BACH2: variants seen among roughly 807,000 people sequenced by gnomAD.
The protein encoded by BACH2 is transcription regulator protein BACH2.
In BACH2, 5 loss-of-function variants were observed where a neutral mutation model predicts 61.8. The observed-to-expected ratio is 0.08, with a 90% CI of 0.04 to 0.17. The LOEUF (loss-of-function observed/expected upper bound fraction) is 0.17. Among genes scored for constraint, BACH2 ranks in the 10% least tolerant of loss-of-function variants. The pLI is 1.00. For synonymous variants in BACH2, 446 were observed against 440.1 expected, an observed-to-expected ratio of 1.01 and a Z score of -0.17; for missense variants, 824 against 1,091.1, an observed-to-expected ratio of 0.76 and a Z score of 3.45.
intron 4 of BACH2, among the ~76,000 whole-genome samples, chr6:90,193,550 C>A (rs762572391): frequency 3.3e-5 from 5 of 152,098 alleles, no homozygotes; most frequent in Non-Finnish European, 7.4e-5. Context: ...TTTAAGCCAC[C>A]CAGTCTGTGG....
At chr6:90,263,629 C>G (rs563895715) in intron 2 of BACH2, among the ~76,000 whole-genome samples, 3 of 152,096 alleles carry the variant, frequency 2.0e-5, no homozygotes, top group African/African-American at 7.2e-5. Context: ...TTTTTTCTTG[C>G]GCTGACTCCT....
At chr6:90,163,651 A>G (rs906421587) in intron 4 of BACH2, among the ~76,000 whole-genome samples, 1 of 152,210 alleles carries the variant, frequency 6.6e-6, no homozygotes, top group East Asian at 1.9e-4. Flanking sequence ...GATACTATAC[A>G]TTCCCATCCT....
chr6:90,109,076 C>T (rs1783052791), intron 4 of BACH2, among the ~76,000 whole-genome samples: 1 of 152,176 alleles, frequency 6.6e-6, no homozygotes, highest in African/African-American at 2.4e-5. Flanking sequence ...CTTTCTCTGC[C>T]CCTGTTCTGA....
intron 4 of BACH2, among the ~76,000 whole-genome samples, chr6:90,118,573 C>T (rs1455745400): frequency 6.6e-6 from 1 of 152,160 alleles, no homozygotes; most frequent in Non-Finnish European, 1.5e-5. Flanking sequence ...TATCAATGAT[C>T]AGTACTCATG....
At chr6:90,189,412 TC>T (rs1170946399) in intron 4 of BACH2, among the ~76,000 whole-genome samples, 1 of 151,850 alleles carries the variant, frequency 6.6e-6, no homozygotes, top group Non-Finnish European at 1.5e-5. Flanking sequence ...ATCGAGACCA[TC>T]CTGGCTAACA....
rs557863078 is a variant in BACH2, at chr6:90,104,825, G to A, written c.-161-15716C>T. On this transcript the variant is annotated intron_variant, in intron 4 of 8. Transcript: ENST00000257749. ...GACCCCTGTAGGATGGGGGACTGGG[G>A]GAGTGGGAGGAGAAGGAGCAGGAAA... Among the ~76,000 whole-genome samples the A allele has an allele frequency of 4.6e-5, 7 of 152,298 alleles. No individual in the cohort carries two copies. In the East Asian group the frequency reaches 1.2e-3, roughly 25 times the overall value.
At chr6:90,019,493 G>A (rs1466962234) in intron 5 of BACH2, among the ~76,000 whole-genome samples, 1 of 152,186 alleles carries the variant, frequency 6.6e-6, no homozygotes, top group Non-Finnish European at 1.5e-5. Flanking sequence ...TTCCATGTTT[G>A]TAAAATGAAA....
intron 4 of BACH2, among the ~76,000 whole-genome samples, chr6:90,182,799 C>T (rs758644702): frequency 3.3e-5 from 5 of 152,134 alleles, no homozygotes; most frequent in Middle Eastern, 3.2e-3. Context: ...CCTCACACAG[C>T]GGATCTTCAC....
intron 6 of BACH2, among the ~76,000 whole-genome samples, chr6:89,972,243 G>C (rs1775403698): frequency 6.6e-6 from 1 of 152,088 alleles, no homozygotes; most frequent in Non-Finnish European, 1.5e-5. Flanking sequence ...GAGTATGAGG[G>C]AGACTCCTTT....
intron 4 of BACH2, among the ~76,000 whole-genome samples, chr6:90,112,636 C>G (rs1783223627): frequency 6.6e-6 from 1 of 152,154 alleles, no homozygotes; most frequent in Non-Finnish European, 1.5e-5. Flanking sequence ...CTGCTATCAG[C>G]TAATACAAAA....
intron 8 of BACH2, among the ~76,000 whole-genome samples, chr6:89,934,136 T>C (rs1772862327): frequency 6.6e-6 from 1 of 152,138 alleles, no homozygotes; most frequent in Non-Finnish European, 1.5e-5. Context: ...GGAGGGACCC[T>C]CCCTAGGACA....
intron 2 of BACH2, among the ~76,000 whole-genome samples, chr6:90,264,029 T>C (rs1195221705): frequency 6.6e-6 from 1 of 152,190 alleles, no homozygotes; most frequent in African/African-American, 2.4e-5. Flanking sequence ...ATAAAGTAAA[T>C]ATTTGAAGAA....
At chr6:90,070,021 G>C (rs944281002) in intron 5 of BACH2, among the ~76,000 whole-genome samples, 2 of 152,140 alleles carry the variant, frequency 1.3e-5, no homozygotes, top group African/African-American at 4.8e-5. Flanking sequence ...CTGACAACAC[G>C]ATCATTGTGG....
chr6:89,951,060 T>C lies in BACH2; in HGVS notation c.1046A>G (p.Lys349Arg). ...SCLRSLFSIT[K>R]SVELSGLPST... ...GGGCAGGCCAGACAGCTCCACACTT[T>C]TCGTTATGCTGAACAGAGACCTTAA... Residue 349 changes from lysine (K) to arginine (R), a missense_variant, in exon 7 of 9, where the codon AAA becomes AGA. Transcript: ENST00000257749. The surrounding 1 kb of genome is among the most constrained non-coding windows in gnomAD (Gnocchi z 6.4). The C allele has an allele frequency of 1.9e-6, 3 of 1,611,598 alleles. No homozygotes were observed. Among genetic ancestry groups the C allele is most frequent in the Non-Finnish European group, 2.5e-6 (3 of 1,178,786 alleles).
intron 5 of BACH2, among the ~76,000 whole-genome samples, chr6:90,039,631 G>T (rs928604071): frequency 6.6e-6 from 1 of 152,064 alleles, no homozygotes; most frequent in Admixed American, 6.6e-5. Flanking sequence ...TGATCTGCTC[G>T]CCTCGGCCTC....
intron 4 of BACH2, among the ~76,000 whole-genome samples, chr6:90,200,300 C>G (rs1466627768): frequency 6.6e-6 from 1 of 152,116 alleles, no homozygotes; most frequent in Non-Finnish European, 1.5e-5. Context: ...TGGTCTAGTT[C>G]AAACTTGTAC....
At chr6:89,969,532 G>A (rs1315544153) in intron 6 of BACH2, among the ~76,000 whole-genome samples, 1 of 152,192 alleles carries the variant, frequency 6.6e-6, no homozygotes, top group Non-Finnish European at 1.5e-5. Flanking sequence ...GATGGGAGCA[G>A]GTGGGGGACA....
chr6:90,223,479 C>CT (rs921749865), intron 3 of BACH2, among the ~76,000 whole-genome samples: 10 of 151,994 alleles, frequency 6.6e-5, no homozygotes, highest in Non-Finnish European at 1.5e-4. Flanking sequence ...TATCAGCTGA[C>CT]TTTTTTGAGA....
rs138318119 is a variant in BACH2 at position 90,120,544 on chromosome 6, T to A, written c.-161-31435A>T. Among the ~76,000 whole-genome samples the A allele has an allele frequency of 5.3e-4, 81 of 152,318 alleles. No homozygotes were observed. In the East Asian group the frequency reaches 0.014, roughly 27 times the overall value. On this transcript the variant is annotated intron_variant, in intron 4 of 8. Transcript: ENST00000257749. ...CATAACCATAAGCCTCCTTCAAATA[T>A]CTTGAGACTTGTCATGATCTTAATT...
Sources: allele counts gnomAD v4.1 joint callset (sites outside exome capture counted in the v4.1 genomes callset), GRCh38; gene constraint gnomAD v4.1.1; non-coding constraint Gnocchi (gnomAD v3.1); transcripts MANE v1.5; gene names NCBI Gene and HGNC (gene_info 2026-07-23, HGNC 2026-07-21).